The following RNF150 variants were observed in gnomAD, a reference collection of about 807,000 sequenced individuals.
RNF150 encodes the protein ring finger protein 150.
Under a neutral mutation model 39.3 loss-of-function variants are expected in RNF150, and 24 were observed. The ratio of observed to expected loss-of-function variants is 0.61; its 90% CI spans 0.44 to 0.86. The LOEUF is 0.86. RNF150 is among the 40% of genes least tolerant of loss of function. The pLI, the probability that RNF150 is intolerant of heterozygous loss-of-function variation, is 0.00. For synonymous variants in RNF150, 255 were observed against 227.3 expected, an observed-to-expected ratio of 1.12 and a Z score of -1.10; for missense variants, 502 against 587.8, an observed-to-expected ratio of 0.85 and a Z score of 1.51.
chr4:141,059,637 TA>T (rs552519280), intron 1 of RNF150, among the ~76,000 whole-genome samples: 252 of 152,142 alleles, frequency 1.7e-3, no homozygotes, highest in African/African-American at 5.8e-3. Context: ...AGAATTCTAA[TA>T]AAAAAATTTA....
intron 1 of RNF150, among the ~76,000 whole-genome samples, chr4:141,015,684 T>C (rs868529471): frequency 3.3e-5 from 5 of 152,224 alleles, no homozygotes; most frequent in Non-Finnish European, 7.3e-5. Context: ...TATAAGATCA[T>C]GTCATCAGCA....
At chr4:141,155,239 C>A (rs1408641262) in intron 1 of RNF150, among the ~76,000 whole-genome samples, 1 of 150,060 alleles carries the variant, frequency 6.7e-6, no homozygotes, top group Non-Finnish European at 1.5e-5. Flanking sequence ...GCATGCACCA[C>A]CACACCCGGC....
intron 1 of RNF150, among the ~76,000 whole-genome samples, chr4:141,023,117 G>GT (rs1416870276): frequency 6.6e-6 from 1 of 152,114 alleles, no homozygotes; most frequent in African/African-American, 2.4e-5. Context: ...TATTTAATCA[G>GT]TATTTGTTGT....
At chr4:141,211,946 G>T (rs1423385490) in intron 1 of RNF150, among the ~76,000 whole-genome samples, 1 of 152,128 alleles carries the variant, frequency 6.6e-6, no homozygotes, top group Non-Finnish European at 1.5e-5. Flanking sequence ...TTAACTAAAA[G>T]AAATAAATAG....
At position 140,872,714 on chromosome 4, in the gene RNF150, C is replaced by T. The variant is rs7682065; in HGVS notation, c.1199-4335G>A. Among the ~76,000 whole-genome samples the T allele has an allele frequency of 7.0e-3, 1,063 of 152,264 alleles. 16 individuals carry two copies. The highest frequency in any genetic ancestry group is 0.022 in the African/African-American group (928 of 41,550). The stretch of plus-strand genomic sequence containing the variant: ...AGTAGAGAAAAATTCCCATGTTTTT[C>T]GAGCAATACAGATGCCATTTATTGA... On this transcript the variant is annotated intron_variant, in intron 6 of 6. Coordinates refer to ENST00000515673, the MANE Select transcript of RNF150 (RefSeq NM_020724.2).
chr4:140,941,364 A>G (rs192187429), intron 4 of RNF150, among the ~76,000 whole-genome samples: 1 of 152,350 alleles, frequency 6.6e-6, no homozygotes. Flanking sequence ...GTAATCTCCA[A>G]TAAAAACAAT....
intron 1 of RNF150, among the ~76,000 whole-genome samples, chr4:141,065,300 G>A (rs1390867296): frequency 1.3e-5 from 2 of 152,126 alleles, no homozygotes; most frequent in East Asian, 3.9e-4. Flanking sequence ...TGCTATCTGT[G>A]CGTGAGAGGC....
chr4:140,870,996 CTCTCTCTA>C (rs1728912561), intron 6 of RNF150, among the ~76,000 whole-genome samples: 1 of 143,268 alleles, frequency 7.0e-6, no homozygotes, highest in Non-Finnish European at 1.6e-5. Context: ...CTCTCTCTCT[CTCTCTCTA>C]TATATATATA....
chr4:140,962,359 G>A (rs1320743916), intron 2 of RNF150, among the ~76,000 whole-genome samples: 2 of 151,570 alleles, frequency 1.3e-5, no homozygotes, highest in Non-Finnish European at 2.9e-5. Context: ...ATATGGCAGT[G>A]CATATGTGCA....
chr4:140,928,533 C>T (rs561005918), intron 4 of RNF150, among the ~76,000 whole-genome samples: 14 of 152,242 alleles, frequency 9.2e-5, no homozygotes, highest in Admixed American at 1.3e-4. Context: ...TCAGGATCTA[C>T]GCTCTGTATC....
chr4:141,203,401 T>A (rs373152483), intron 1 of RNF150, among the ~76,000 whole-genome samples: 2 of 148,538 alleles, frequency 1.3e-5, no homozygotes, highest in Non-Finnish European at 3.0e-5. Context: ...ATTGGAGATT[T>A]TATATATATA....
intron 1 of RNF150, among the ~76,000 whole-genome samples, chr4:141,188,375 T>C (rs1304659445): frequency 1.3e-5 from 2 of 152,194 alleles, no homozygotes; most frequent in Non-Finnish European, 2.9e-5. Context: ...CTGTATTTCC[T>C]GAATTTGAAT....
chr4:141,106,116 T>A (rs1024900091), intron 1 of RNF150, among the ~76,000 whole-genome samples: 1 of 152,242 alleles, frequency 6.6e-6, no homozygotes, highest in African/African-American at 2.4e-5. Context: ...GATAACTGCT[T>A]ATTTTAAAAC....
At chr4:140,976,402 C>G (rs1289935517) in intron 1 of RNF150, among the ~76,000 whole-genome samples, 2 of 151,984 alleles carry the variant, frequency 1.3e-5, no homozygotes, top group East Asian at 3.9e-4. Flanking sequence ...CTCCTCAAAT[C>G]AGAATCTCAG....
chr4:140,909,243 C>A (rs1426205834), intron 6 of RNF150, among the ~76,000 whole-genome samples: 2 of 152,088 alleles, frequency 1.3e-5, no homozygotes, highest in African/African-American at 4.8e-5. Flanking sequence ...ATGTTCTCTT[C>A]CATTTAAAGT....
intron 1 of RNF150, among the ~76,000 whole-genome samples, chr4:141,146,039 TAC>T (rs1298646571): frequency 6.6e-6 from 1 of 152,262 alleles, no homozygotes; most frequent in Admixed American, 6.5e-5. Context: ...CTTTGCCTGT[TAC>T]ATTACAAGGA....
chr4:141,172,867 A>G (rs775126003), intron 1 of RNF150, among the ~76,000 whole-genome samples: 1 of 152,070 alleles, frequency 6.6e-6, no homozygotes, highest in African/African-American at 2.4e-5. Flanking sequence ...TCTACTAAAA[A>G]TACAAAAAAT....
At chr4:141,115,430 T>C (rs1333337744) in intron 1 of RNF150, among the ~76,000 whole-genome samples, 1 of 152,094 alleles carries the variant, frequency 6.6e-6, no homozygotes, top group Non-Finnish European at 1.5e-5. Flanking sequence ...GAATACAACT[T>C]ACAAGGGATG....
chr4:141,156,386 T>C (rs914832443), intron 1 of RNF150, among the ~76,000 whole-genome samples: 1 of 152,094 alleles, frequency 6.6e-6, no homozygotes, highest in African/African-American at 2.4e-5. Context: ...GCTCAAGCCA[T>C]CCTCCTGCCT....
Sources: allele counts gnomAD v4.1 joint callset (sites outside exome capture counted in the v4.1 genomes callset), GRCh38; gene constraint gnomAD v4.1.1; transcripts MANE v1.5; gene names NCBI Gene and HGNC (gene_info 2026-07-23, HGNC 2026-07-21).